The following ABCG2 variants were observed in gnomAD, a reference collection of about 807,000 sequenced individuals.
The protein encoded by ABCG2 is broad substrate specificity ATP-binding cassette transporter ABCG2.
Under a neutral mutation model 73.5 loss-of-function variants are expected in ABCG2, and 80 were observed. The ratio of observed to expected loss-of-function variants is 1.09; its 90% CI spans 0.91 to 1.31. ABCG2 has a LOEUF of 1.31. ABCG2 is among the 50% of genes most tolerant of loss of function. ABCG2 has a pLI of 0.00. For synonymous variants in ABCG2, 269 were observed against 282.4 expected (o/e 0.95, Z 0.48); for missense variants, 796 against 786.2 (o/e 1.01, Z -0.15).
At chr4:88,140,139 G>T in intron 1 of ABCG2, 125 bp from the exon 2 acceptor site, 1 of 772,776 alleles carries the variant, frequency 1.3e-6, no homozygotes, top group Non-Finnish European at 2.1e-6. Context: ...CATTTCCAAT[G>T]AATGGCCCAT....
intron 5 of ABCG2, among the ~76,000 whole-genome samples, chr4:88,129,757 C>G (rs1724716581): frequency 6.6e-6 from 1 of 152,148 alleles, no homozygotes; most frequent in Non-Finnish European, 1.5e-5. Context: ...TACACTATAG[C>G]CATTACAATG....
At chr4:88,209,339 C>G (rs1302198696) in intron 1 of ABCG2, among the ~76,000 whole-genome samples, 1 of 143,730 alleles carries the variant, frequency 7.0e-6, no homozygotes, top group East Asian at 2.0e-4. Flanking sequence ...AAAAAGCAAA[C>G]AAGAAACACC....
intron 1 of ABCG2, among the ~76,000 whole-genome samples, chr4:88,193,019 A>AT (rs1176753087): frequency 1.3e-5 from 2 of 152,118 alleles, no homozygotes; most frequent in South Asian, 2.1e-4. Context: ...AGCCAAAGCT[A>AT]TTTTTTTAAA....
chr4:88,141,539 T>G (rs776265185), intron 1 of ABCG2, among the ~76,000 whole-genome samples: 57 of 152,256 alleles, frequency 3.7e-4, no homozygotes, highest in East Asian at 9.7e-4. Context: ...CCCAAAAGCA[T>G]TATGCTCTGG....
chr4:88,218,976 C>T (rs914632496), intron 1 of ABCG2, among the ~76,000 whole-genome samples: 1 of 151,934 alleles, frequency 6.6e-6, no homozygotes, highest in Non-Finnish European at 1.5e-5. Context: ...AATGAACAGG[C>T]GATACATAGA....
At chr4:88,146,424 C>T (rs549685940) in intron 1 of ABCG2, among the ~76,000 whole-genome samples, 60 of 151,592 alleles carry the variant, frequency 4.0e-4, no homozygotes, top group African/African-American at 1.2e-3. Flanking sequence ...GACAGAGTCT[C>T]ACTCTGTTGC....
chr4:88,096,309 CAAT>C (rs2110174969), intron 13 of ABCG2, among the ~76,000 whole-genome samples: 1 of 152,308 alleles, frequency 6.6e-6, no homozygotes, highest in South Asian at 2.1e-4. Flanking sequence ...ATATGCATAA[CAAT>C]GATGATGTTG....
At chr4:88,219,200 C>T (rs980664011) in intron 1 of ABCG2, among the ~76,000 whole-genome samples, 5 of 152,214 alleles carry the variant, frequency 3.3e-5, no homozygotes, top group Admixed American at 6.5e-5. Context: ...AGTACATTTA[C>T]TAACACAACC....
chr4:88,106,768 G>A (rs994542597), intron 10 of ABCG2, among the ~76,000 whole-genome samples: 1 of 152,112 alleles, frequency 6.6e-6, no homozygotes, highest in East Asian at 1.9e-4. Flanking sequence ...GGGCCAGGTG[G>A]AGTGGCTCAC....
At chr4:88,125,275 G>T (rs926102125) in intron 5 of ABCG2, among the ~76,000 whole-genome samples, 27 of 149,784 alleles carry the variant, frequency 1.8e-4, no homozygotes, top group African/African-American at 6.4e-4. Context: ...CTGGGCAACA[G>T]AGCGAGACTC....
Position 88,111,402 on chromosome 4 carries a change from C to T in ABCG2, c.1194+1901G>A, listed in dbSNP as rs533742605. ...TGACAGAAACACCAAATTATACGTA[C>T]CAAAAACATTTGGAGAAATTAGCAA... On this transcript the variant is annotated intron_variant, in intron 9 of 15. Transcript: ENST00000237612. Among the ~76,000 whole-genome samples, 5 of 152,116 alleles carry T rather than the reference C, an allele frequency of 3.3e-5. No homozygotes were observed. In the South Asian group the frequency reaches 1.0e-3, roughly 32 times the overall value.
At chr4:88,211,480 G>T (rs953748565) in intron 1 of ABCG2, among the ~76,000 whole-genome samples, 4 of 151,708 alleles carry the variant, frequency 2.6e-5, no homozygotes, top group Non-Finnish European at 4.4e-5. Flanking sequence ...GCAATGGCGC[G>T]ATCTCCGCTC....
intron 1 of ABCG2, among the ~76,000 whole-genome samples, chr4:88,195,483 C>T (rs530207226): frequency 3.9e-5 from 6 of 152,074 alleles, no homozygotes; most frequent in Non-Finnish European, 8.8e-5. Flanking sequence ...ATGTTAGTAG[C>T]GGCCAATCCA....
intron 9 of ABCG2, among the ~76,000 whole-genome samples, chr4:88,107,665 T>C (rs1363689252): frequency 6.6e-6 from 1 of 152,240 alleles, no homozygotes; most frequent in Non-Finnish European, 1.5e-5. Context: ...GACCCTGAAC[T>C]GAACTCTCAA....
intron 1 of ABCG2, among the ~76,000 whole-genome samples, chr4:88,218,984 A>C (rs1007298112): frequency 1.3e-5 from 2 of 152,212 alleles, no homozygotes; most frequent in African/African-American, 4.8e-5. Context: ...GGCGATACAT[A>C]GAAAGGAAAT....
intron 1 of ABCG2, among the ~76,000 whole-genome samples, chr4:88,174,184 G>T (rs1727865294): frequency 6.6e-6 from 1 of 151,178 alleles, no homozygotes; most frequent in Non-Finnish European, 1.5e-5. Flanking sequence ...TTTAAGTTCT[G>T]GGGTATCTGT....
At chr4:88,125,681 A>G (rs993716379) in intron 5 of ABCG2, among the ~76,000 whole-genome samples, 28 of 150,578 alleles carry the variant, frequency 1.9e-4, no homozygotes, top group African/African-American at 5.1e-4. Context: ...CTGAATGACT[A>G]TTGGATAAAT....
intron 1 of ABCG2, among the ~76,000 whole-genome samples, chr4:88,198,835 A>G (rs778074074): frequency 3.9e-5 from 6 of 152,136 alleles, no homozygotes; most frequent in Non-Finnish European, 8.8e-5. Flanking sequence ...GAAACTGAAA[A>G]GCAAAGAGAA....
intron 1 of ABCG2, among the ~76,000 whole-genome samples, chr4:88,183,828 A>G (rs529415417): frequency 6.6e-6 from 1 of 152,262 alleles, no homozygotes; most frequent in Non-Finnish European, 1.5e-5. Context: ...ATACTAGCAA[A>G]TCAAATTCAA....
Sources: gnomAD v4.1 joint callset for allele counts (sites outside exome capture counted in the v4.1 genomes callset) on GRCh38, gnomAD v4.1.1 for gene constraint, MANE v1.5 for transcripts, NCBI Gene and HGNC (gene_info 2026-07-23, HGNC 2026-07-21) for gene names.